Variants in JHY observed in about 807,000 individuals in gnomAD.
The protein encoded by JHY is junctional cadherin complex regulator.
A neutral mutation model predicts 78.0 loss-of-function variants in JHY; 69 were observed. The observed-to-expected ratio is 0.88, with a 90% CI of 0.73 to 1.08. The LOEUF (loss-of-function observed/expected upper bound fraction) is 1.08. Ranked by LOEUF, JHY falls within the 50% of genes least tolerant of loss-of-function variation. JHY has a pLI of 0.00. For missense variants in JHY, 944 were observed against 927.8 expected, an observed-to-expected ratio of 1.02 and a Z score of -0.23; for synonymous variants, 368 against 342.6, an observed-to-expected ratio of 1.07 and a Z score of -0.82.
chr11:122,948,209 T>C (rs7128968), intron 6 of JHY, among the ~76,000 whole-genome samples: 84,783 of 151,834 alleles, frequency 0.56, 24,220 homozygotes, highest in African/African-American at 0.69. Flanking sequence ...TTTGGGAGGC[T>C]GAGGTGTGTG....
At chr11:122,950,620 T>C (rs1864066887) in intron 6 of JHY, among the ~76,000 whole-genome samples, 2 of 152,228 alleles carry the variant, frequency 1.3e-5, no homozygotes, top group African/African-American at 4.8e-5. Flanking sequence ...TTATTCTTTC[T>C]TTTTGTAGAC....
intron 8 of JHY, 167 bp from the exon 9 acceptor site, chr11:122,959,081 T>G: frequency 1.1e-6 from 1 of 950,844 alleles, no homozygotes; most frequent in Non-Finnish European, 1.3e-6. Context: ...TGTATTTTGT[T>G]TAAACTGTGT....
At chr11:122,919,530 C>T (rs967981517) in intron 3 of JHY, among the ~76,000 whole-genome samples, 1 of 152,200 alleles carries the variant, frequency 6.6e-6, no homozygotes, top group African/African-American at 2.4e-5. Flanking sequence ...AAGAAGTAGA[C>T]AGGAACCCGA....
At chr11:122,931,868 T>C (rs1235196761) in intron 4 of JHY, among the ~76,000 whole-genome samples, 1 of 152,200 alleles carries the variant, frequency 6.6e-6, no homozygotes, top group Middle Eastern at 3.2e-3. Flanking sequence ...TGGCACAGTA[T>C]GAACGAGCAT....
At chr11:122,946,877 G>T (rs1033810546) in intron 6 of JHY, 85 bp downstream of exon 6, 1 of 1,480,560 alleles carries the variant, frequency 6.8e-7, no homozygotes, top group Admixed American at 2.2e-5. Flanking sequence ...CCTGGAATAG[G>T]GATGGTCATT....
Position 122,963,211 on chromosome 11 carries a change from T to C in JHY, c.*3766T>C, listed in dbSNP as rs956234212. ...CTTCCCATACTGTTTTTCTGTTAGC[T>C]TAAGCGTTGTTAAATCCTTCACTTT... On this transcript the variant is annotated 3_prime_UTR_variant, in exon 9 of 9. Coordinates refer to ENST00000227349, the MANE Select transcript of JHY (RefSeq NM_024806.4). 1.3e-5 allele frequency among the ~76,000 whole-genome samples: 2 copies of C among 152,188 alleles called. No homozygotes were observed. Among genetic ancestry groups the C allele is most frequent in the African/African-American group, 2.4e-5 (1 of 41,458 alleles).
intron 2 of JHY, among the ~76,000 whole-genome samples, chr11:122,902,644 T>C (rs768780425): frequency 7.2e-5 from 11 of 152,108 alleles, no homozygotes; most frequent in Non-Finnish European, 1.6e-4. Context: ...TCGGGAAACT[T>C]ACAATCATGG....
chr11:122,925,784 G>A (rs534430527), intron 4 of JHY, among the ~76,000 whole-genome samples: 11 of 152,186 alleles, frequency 7.2e-5, no homozygotes, highest in African/African-American at 1.7e-4. Context: ...TTGGGAGGCC[G>A]AGGTGGGTGA....
rs199893894 is a variant in JHY, at chr11:122,904,419, A to G, written c.839A>G (p.Lys280Arg). ...TCTTATCTTCAACTTCACAATAAAA[A>G]AAGAGGGGAATCTCATCCAGAACAG... ...TDSYLQLHNK[K>R]RGESHPEQIS... Residue 280 changes from lysine to arginine, a missense_variant, in exon 3 of 9, where the codon AAA becomes AGA. Physicochemically the swap from Lys to Arg is conservative, Grantham distance 26. Coordinates refer to ENST00000227349, the MANE Select transcript of JHY (RefSeq NM_024806.4). 2.0e-5 allele frequency: 32 copies of G among 1,613,398 alleles called. No individual in the cohort carries two copies. The Admixed American group carries it at 5.3e-4, about 27-fold the overall frequency.
At chr11:122,900,343 A>T (rs2135300273) in intron 2 of JHY, among the ~76,000 whole-genome samples, 1 of 152,280 alleles carries the variant, frequency 6.6e-6, no homozygotes, top group South Asian at 2.1e-4. Flanking sequence ...TTTACCCAGC[A>T]TACAATTATG....
chr11:122,890,257 C>T lies in JHY; in HGVS notation c.344+4064C>T, dbSNP rs75753777. ...GTGCTAAACACTTTACATGTATTAT[C>T]TCATTTAATCTTTATTGCAACCGTG... On this transcript the variant is annotated intron_variant, in intron 2 of 8. Coordinates refer to ENST00000227349, the MANE Select transcript of JHY (RefSeq NM_024806.4). Among the ~76,000 whole-genome samples, 377 of 152,206 alleles carry T rather than the reference C, an allele frequency of 2.5e-3. 4 individuals carry two copies. In the East Asian group the frequency reaches 0.053, roughly 21 times the overall value.
chr11:122,885,813 C>T lies in JHY; in HGVS notation c.-37C>T. The stretch of plus-strand genomic sequence containing the variant: ...AATATCAGCCAGCTGCTCCTATCAA[C>T]ACGAGTATCCCCTGTTAATTTTTTG... On this transcript the variant is annotated 5_prime_UTR_variant, in exon 2 of 9. Transcript: ENST00000227349. The T allele has an allele frequency of 2.0e-6, 3 of 1,496,030 alleles. No homozygotes were observed. Among genetic ancestry groups the T allele is most frequent in the Non-Finnish European group, 2.7e-6 (3 of 1,091,858 alleles). The allele number at this position is 1,496,030 out of a possible 1,614,324, so 92.7% of individuals were successfully genotyped here. A position where few individuals can be genotyped will look rare whatever the true frequency, so the allele number is the denominator to read the frequency against.
intron 5 of JHY, among the ~76,000 whole-genome samples, chr11:122,936,035 T>C (rs937909784): frequency 1.3e-5 from 2 of 152,194 alleles, no homozygotes; most frequent in Non-Finnish European, 2.9e-5. Flanking sequence ...GCAAGAGGGA[T>C]TGGGATTTTA....
chr11:122,944,826 G>T (rs1487975917), intron 5 of JHY, among the ~76,000 whole-genome samples: 1 of 151,998 alleles, frequency 6.6e-6, no homozygotes, highest in Non-Finnish European at 1.5e-5. Flanking sequence ...CTGTCTCCTG[G>T]TTTCTGCATT....
intron 3 of JHY, among the ~76,000 whole-genome samples, chr11:122,909,989 C>T (rs1016877597): frequency 6.6e-5 from 10 of 151,922 alleles, no homozygotes; most frequent in Admixed American, 5.9e-4. Flanking sequence ...TCATTTCAGC[C>T]TTATTTGTAA....
Position 122,904,271 on chromosome 11 carries a change from A to G in JHY, c.691A>G (p.Ser231Gly). 1 of 1,614,126 alleles carries G rather than the reference A, an allele frequency of 6.2e-7. No homozygotes were observed. Among genetic ancestry groups the G allele is most frequent in the Non-Finnish European group, 8.5e-7 (1 of 1,180,014 alleles). Reference sequence around the variant, plus strand: ...GAGCAGCCTTTCTCCGTACGTGAAGAGCTCAAGTTCACATAACGAGGTTTT... The same window carrying G: ...GAGCAGCCTTTCTCCGTACGTGAAGGGCTCAAGTTCACATAACGAGGTTTT... ...KSSSLSPYVKSSSSHNEVFLP... is the reference protein window; with the variant it reads ...KSSSLSPYVKGSSSHNEVFLP... Residue 231 changes from serine to glycine, a missense_variant, in exon 3 of 9, where the codon AGC (serine) becomes GGC (glycine). Transcript: ENST00000227349.
chr11:122,921,418 A>G (rs1863362680), intron 3 of JHY, among the ~76,000 whole-genome samples: 1 of 152,128 alleles, frequency 6.6e-6, no homozygotes, highest in South Asian at 2.1e-4. Context: ...CAGGCTCCAG[A>G]CGACAGTTTC....
At chr11:122,884,661 T>A (rs1862456369) in intron 1 of JHY, among the ~76,000 whole-genome samples, 1 of 152,154 alleles carries the variant, frequency 6.6e-6, no homozygotes, top group African/African-American at 2.4e-5. Context: ...TCCAGCTAAC[T>A]CTTAGCTGTA....
intron 2 of JHY, among the ~76,000 whole-genome samples, chr11:122,887,818 G>A (rs956824031): frequency 1.3e-5 from 2 of 152,066 alleles, no homozygotes; most frequent in African/African-American, 2.4e-5. Context: ...AGACTGAGTA[G>A]GGGTCTGATT....
Sources: allele counts gnomAD v4.1 joint callset (sites outside exome capture counted in the v4.1 genomes callset), GRCh38; gene constraint gnomAD v4.1.1; transcripts MANE v1.5; gene names NCBI Gene and HGNC (gene_info 2026-07-23, HGNC 2026-07-21).